Variants in CFAP77 observed in about 807,000 individuals in gnomAD.
CFAP77 encodes the protein cilia- and flagella-associated protein 77.
CFAP77 carries 25 observed loss-of-function variants against 31.1 expected under a neutral mutation model. The ratio of observed to expected loss-of-function variants is 0.80; its 90% confidence interval spans 0.59 to 1.12. The LOEUF (loss-of-function observed/expected upper bound fraction) is 1.12, where lower values mean the gene tolerates loss of function less well. Ranked by LOEUF, CFAP77 falls within the 50% of genes most tolerant of loss-of-function variation. The pLI, the probability that CFAP77 is intolerant of heterozygous loss-of-function variation, is 0.00. For missense variants in CFAP77, 377 were observed against 397.3 expected (o/e 0.95, Z 0.44); for synonymous variants, 151 against 159.9 (o/e 0.94, Z 0.42).
At chr9:132,448,480 G>A (rs1234014668) in intron 1 of CFAP77, among the ~76,000 whole-genome samples, 1 of 152,206 alleles carries the variant, frequency 6.6e-6, no homozygotes, top group Non-Finnish European at 1.5e-5. Context: ...AACAGGGATG[G>A]TAACATTCAC....
chr9:132,471,440 A>G (rs1179192133), intron 1 of CFAP77, among the ~76,000 whole-genome samples: 3 of 151,678 alleles, frequency 2.0e-5, no homozygotes, highest in Non-Finnish European at 2.9e-5. Context: ...TATTCCTTTA[A>G]GGACCCCCCC....
chr9:132,498,778 C>A lies in CFAP77; in HGVS notation c.279C>A (p.Asp93Glu). Residue 93 changes from aspartate to glutamate, a missense_variant, in exon 2 of 6, where the codon GAC becomes GAA. Coordinates refer to ENST00000393216, the MANE Select transcript of CFAP77 (RefSeq NM_001282957.2). The surrounding 1 kb of genome is among the most constrained non-coding windows in gnomAD (Gnocchi z 4.2). The part of the protein sequence containing the change: ...FNYGLYIRGL[D>E]GGVPEAIGRW... ...ATGGACTCTACATCCGAGGGCTTGACGGAGGAGTCCCTGAAGGTGAGCGAG... is the reference window on the plus strand; with the variant it reads ...ATGGACTCTACATCCGAGGGCTTGAAGGAGGAGTCCCTGAAGGTGAGCGAG... 1 of 1,609,042 alleles carries A rather than the reference C, an allele frequency of 6.2e-7. No homozygotes were observed. The highest frequency in any genetic ancestry group is 1.1e-5 in the South Asian group (1 of 90,066).
chr9:132,500,084 C>T (rs1381737690), intron 3 of CFAP77, among the ~76,000 whole-genome samples: 2 of 150,074 alleles, frequency 1.3e-5, no homozygotes, highest in South Asian at 2.1e-4. Context: ...CCCAGGAGGT[C>T]GAGGCTGCAG....
intron 3 of CFAP77, among the ~76,000 whole-genome samples, chr9:132,518,185 C>T (rs1475308296): frequency 6.6e-6 from 1 of 152,040 alleles, no homozygotes; most frequent in Non-Finnish European, 1.5e-5. Flanking sequence ...CCTCACAGCC[C>T]GAGTGTGAGG....
chr9:132,422,976 A>G (rs1386354905), intron 1 of CFAP77, among the ~76,000 whole-genome samples: 2 of 152,232 alleles, frequency 1.3e-5, no homozygotes, highest in Non-Finnish European at 2.9e-5. Flanking sequence ...TGTAAGTTAC[A>G]CAAGCCCAAG....
At chr9:132,492,074 G>A (rs975843278) in intron 1 of CFAP77, among the ~76,000 whole-genome samples, 1 of 152,168 alleles carries the variant, frequency 6.6e-6, no homozygotes, top group African/African-American at 2.4e-5. Context: ...GATTGCTTGA[G>A]GCCAGGAGTT....
chr9:132,446,277 C>A (rs1344779391), intron 1 of CFAP77, among the ~76,000 whole-genome samples: 1 of 152,050 alleles, frequency 6.6e-6, no homozygotes, highest in Admixed American at 6.6e-5. Context: ...AGGGCTGAAC[C>A]CTGATCCTGG....
At chr9:132,544,354 C>T (rs1852698669) in intron 5 of CFAP77, among the ~76,000 whole-genome samples, 1 of 152,196 alleles carries the variant, frequency 6.6e-6, no homozygotes, top group Non-Finnish European at 1.5e-5. Flanking sequence ...CTGCCCTCGA[C>T]AGCACGGCTC....
chr9:132,472,722 G>A (rs1416388837), intron 1 of CFAP77, among the ~76,000 whole-genome samples: 1 of 152,192 alleles, frequency 6.6e-6, no homozygotes. Flanking sequence ...ATCCATGACT[G>A]CACCACTGCA....
Position 132,502,315 on chromosome 9 carries a change from T to G in CFAP77, c.524+2715T>G, listed in dbSNP as rs555952818. Among the ~76,000 whole-genome samples, 60 of 152,110 alleles carry G rather than the reference T, an allele frequency of 3.9e-4. No homozygotes were observed. In the South Asian group the frequency reaches 6.0e-3, roughly 15 times the overall value. ...TGGTAGTTCCTTCTTTATTTTTTAT[T>G]TTTTCTAATTTTTTATTGTGGTAAA... On this transcript the variant is annotated intron_variant, in intron 3 of 5. Transcript: ENST00000393216.
At position 132,460,572 on chromosome 9, in the gene CFAP77, G is replaced by GA. The variant is rs1231284043; in HGVS notation, c.196-38119dup. On this transcript the variant is annotated intron_variant, in intron 1 of 5. Transcript: ENST00000393216. Reference sequence around the variant, plus strand: ...AATATCTAGAATAGGCAAATCCATAGAAAATGGATCAAATAGACCAGTGGC... The same window carrying GA: ...AATATCTAGAATAGGCAAATCCATAGAAAAATGGATCAAATAGACCAGTGGC... Among the ~76,000 whole-genome samples the GA allele has an allele frequency of 4.1e-4, 62 of 152,268 alleles. No individual in the cohort carries two copies. The East Asian group carries it at 4.4e-3, about 11-fold the overall frequency.
At chr9:132,477,749 TAG>T (rs1427189805) in intron 1 of CFAP77, among the ~76,000 whole-genome samples, 12 of 152,152 alleles carry the variant, frequency 7.9e-5, no homozygotes, top group African/African-American at 2.6e-4. Flanking sequence ...GGCAGGTGTC[TAG>T]GGGGTGAGTA....
At chr9:132,516,848 G>A (rs2119007310) in intron 3 of CFAP77, among the ~76,000 whole-genome samples, 1 of 152,240 alleles carries the variant, frequency 6.6e-6, no homozygotes, top group South Asian at 2.1e-4. Context: ...GGTACCCACG[G>A]GCAATGTTAT....
chr9:132,519,618 GGTTGGGTGGGTAGGTGGATGGGCA>G (rs1852225616), intron 3 of CFAP77, among the ~76,000 whole-genome samples: 2 of 48,100 alleles, frequency 4.2e-5, no homozygotes, highest in African/African-American at 7.7e-5. Flanking sequence ...ATGGATGGAT[GGTTGGGTGGGTAGGTGGATGGGCA>G]GATGGATGGA....
At chr9:132,546,596 C>T (rs1187655578) in intron 5 of CFAP77, among the ~76,000 whole-genome samples, 1 of 152,268 alleles carries the variant, frequency 6.6e-6, no homozygotes, top group Non-Finnish European at 1.5e-5. Flanking sequence ...GCCAGAGGGG[C>T]TGCCGAGACC....
In CFAP77 at chr9:132,471,688, T is replaced by TTTTG. The variant is rs372523623; in HGVS notation, c.196-27003_196-27000dup. On this transcript the variant is annotated intron_variant, in intron 1 of 5. Coordinates refer to ENST00000393216, the MANE Select transcript of CFAP77 (RefSeq NM_001282957.2). ...GAGCATTGTGAGAGAGGGGGGTTGT[T>TTTTG]TTTGTTTTGTTTTGTTTTGTTTTGT... Among the ~76,000 whole-genome samples the TTTTG allele has an allele frequency of 4.6e-3, 128 of 27,700 alleles. No homozygotes were observed. The South Asian group carries it at 0.11, about 24-fold the overall frequency. 18.2% of individuals were successfully genotyped at this position (27,700 alleles called of 152,430 possible).
chr9:132,416,670 A>C (rs191996363), intron 1 of CFAP77, among the ~76,000 whole-genome samples: 2,450 of 108,484 alleles, frequency 0.023, 78 homozygotes, highest in African/African-American at 0.083. Context: ...ACGGAGTCTC[A>C]CTCTGTTGCC....
chr9:132,488,747 C>T (rs893140314), intron 1 of CFAP77, among the ~76,000 whole-genome samples: 5 of 152,210 alleles, frequency 3.3e-5, no homozygotes, highest in East Asian at 1.9e-4. Flanking sequence ...GCTGCCAGCC[C>T]GGCTTGGTTC....
chr9:132,550,149 A>G (rs1211598123), intron 5 of CFAP77, among the ~76,000 whole-genome samples: 1 of 152,242 alleles, frequency 6.6e-6, no homozygotes, highest in East Asian at 1.9e-4. Flanking sequence ...CAACAGGACC[A>G]GTCCTACAAC....
Sources: gnomAD v4.1 joint callset for allele counts (sites outside exome capture counted in the v4.1 genomes callset) on GRCh38, gnomAD v4.1.1 for gene constraint, Gnocchi (gnomAD v3.1) non-coding constraint, MANE v1.5 for transcripts, NCBI Gene and HGNC (gene_info 2026-07-23, HGNC 2026-07-21) for gene names.